DNAH14: variants seen among roughly 807,000 people sequenced by gnomAD.
DNAH14 encodes dynein axonemal heavy chain 14.
DNAH14 carries 478 observed loss-of-function variants against 520.9 expected under a neutral mutation model. That is an observed-to-expected ratio of 0.92 (90% CI 0.85 to 0.99). The LOEUF (loss-of-function observed/expected upper bound fraction) is 0.99, where lower values mean the gene tolerates loss of function less well. Ranked by LOEUF, DNAH14 falls within the 50% of genes least tolerant of loss-of-function variation. DNAH14 has a pLI of 0.00. For missense variants in DNAH14, 4,831 were observed against 5,234.5 expected (o/e 0.92, Z 2.38); for synonymous variants, 1,581 against 1,757.2 (o/e 0.90, Z 2.51).
In DNAH14 at chr1:225,184,161, G is replaced by A. The variant is rs190126686; in HGVS notation, c.5536-1130G>A. ...AAAACTACAGACTAACATCTTTGAT[G>A]GACATAGATGCAAAAATCCTCAACA... On this transcript the variant is annotated intron_variant, in intron 36 of 85. Coordinates refer to ENST00000682510, the MANE Select transcript of DNAH14 (RefSeq NM_001367479.1). 4.2e-3 allele frequency among the ~76,000 whole-genome samples: 639 copies of A among 152,216 alleles called. 4 individuals are homozygous for A. The highest frequency in any genetic ancestry group is 0.015 in the African/African-American group (607 of 41,530).
chr1:225,250,686 G>T, intron 43 of DNAH14: 1 of 561,684 alleles, frequency 1.8e-6, no homozygotes. Context: ...TCACAGGGCA[G>T]ACGGAGAAAG....
chr1:225,212,985 T>G (rs2088674005), intron 41 of DNAH14, among the ~76,000 whole-genome samples: 1 of 152,222 alleles, frequency 6.6e-6, no homozygotes, highest in African/African-American at 2.4e-5. Context: ...TCCTTGCCCA[T>G]GCCTATGTCC....
intron 44 of DNAH14, among the ~76,000 whole-genome samples, chr1:225,254,600 G>A (rs1193639186): frequency 6.6e-6 from 1 of 152,150 alleles, no homozygotes; most frequent in Non-Finnish European, 1.5e-5. Flanking sequence ...GATGAATTTA[G>A]ATAAAAGTTA....
chr1:224,985,085 T>A (rs1463749643), intron 8 of DNAH14, among the ~76,000 whole-genome samples: 2 of 152,152 alleles, frequency 1.3e-5, no homozygotes, highest in African/African-American at 4.8e-5. Context: ...AAAGTAGAAC[T>A]ACCAATTTGA....
chr1:225,322,309 G>A (rs1229183897), intron 61 of DNAH14, among the ~76,000 whole-genome samples: 2 of 151,534 alleles, frequency 1.3e-5, no homozygotes, highest in East Asian at 1.9e-4. Context: ...GGCTGGTCTC[G>A]AACTCCTGAC....
intron 41 of DNAH14, among the ~76,000 whole-genome samples, chr1:225,216,130 G>A (rs1005898239): frequency 6.6e-6 from 1 of 152,160 alleles, no homozygotes; most frequent in Non-Finnish European, 1.5e-5. Context: ...GTCTGTAAAG[G>A]ATTTTATTTC....
At chr1:224,998,953 A>G (rs1435445763) in intron 8 of DNAH14, among the ~76,000 whole-genome samples, 1 of 151,486 alleles carries the variant, frequency 6.6e-6, no homozygotes, top group Non-Finnish European at 1.5e-5. Flanking sequence ...ATACCCTTTT[A>G]GAATTATTCT....
chr1:225,325,630 A>G lies in DNAH14; in HGVS notation c.9723+798A>G, dbSNP rs181538598. On this transcript the variant is annotated intron_variant, in intron 64 of 85. Coordinates refer to ENST00000682510, the MANE Select transcript of DNAH14 (RefSeq NM_001367479.1). ...ATTATGAGAACTGGAACTAGAATTCATATCCCTGTTACCTATTTAGCTCAC... is the reference window on the plus strand; with the variant it reads ...ATTATGAGAACTGGAACTAGAATTCGTATCCCTGTTACCTATTTAGCTCAC... Among the ~76,000 whole-genome samples, 649 of 152,322 alleles carry G rather than the reference A, an allele frequency of 4.3e-3. 1 individual carries two copies. The highest frequency in any genetic ancestry group is 9.7e-3 in the South Asian group (47 of 4,826).
intron 29 of DNAH14, 103 bp downstream of exon 29, chr1:225,144,731 T>A: frequency 1.1e-6 from 1 of 897,268 alleles, no homozygotes; most frequent in Non-Finnish European, 1.7e-6. Flanking sequence ...AAGATGTTCA[T>A]TGCATTAACA....
At chr1:225,382,743 G>T (rs2095797339) in intron 81 of DNAH14, among the ~76,000 whole-genome samples, 1 of 151,726 alleles carries the variant, frequency 6.6e-6, no homozygotes, top group African/African-American at 2.4e-5. Flanking sequence ...CCAAAAACTT[G>T]CACATGAATG....
chr1:224,930,772 G>A (rs1421841168), intron 1 of DNAH14, among the ~76,000 whole-genome samples: 1 of 152,040 alleles, frequency 6.6e-6, no homozygotes, highest in African/African-American at 2.4e-5. Context: ...TAATTTTTTT[G>A]TATTTTTAGT....
intron 38 of DNAH14, among the ~76,000 whole-genome samples, chr1:225,203,927 G>A (rs534240207): frequency 4.4e-4 from 67 of 152,192 alleles, no homozygotes; most frequent in African/African-American, 1.4e-3. Flanking sequence ...TGTTTTATTT[G>A]ACATCCTACA....
intron 36 of DNAH14, 113 bp downstream of exon 36, chr1:225,168,141 A>T: frequency 1.5e-6 from 1 of 660,446 alleles, no homozygotes; most frequent in Non-Finnish European, 2.5e-6. Context: ...AATTTTTTTT[A>T]ATTAAAGTCA....
intron 56 of DNAH14, 56 bp downstream of exon 56, chr1:225,301,086 T>C (rs944930187): frequency 1.6e-5 from 24 of 1,467,144 alleles, no homozygotes; most frequent in South Asian, 4.1e-5. Flanking sequence ...AGACCGTGTT[T>C]ATAATTCTGT....
chr1:225,171,967 C>T (rs538395342), intron 36 of DNAH14, among the ~76,000 whole-genome samples: 1 of 152,284 alleles, frequency 6.6e-6, no homozygotes, highest in South Asian at 2.1e-4. Flanking sequence ...TCATCATACA[C>T]AAATCAATAA....
intron 42 of DNAH14, among the ~76,000 whole-genome samples, chr1:225,238,191 A>G (rs2091730648): frequency 2.0e-5 from 3 of 151,862 alleles, no homozygotes; most frequent in Admixed American, 2.0e-4. Flanking sequence ...GAGAAGAGGC[A>G]CTCTGGCTTT....
At chr1:225,323,714 G>A (rs907235038) in intron 62 of DNAH14, among the ~76,000 whole-genome samples, 1 of 152,104 alleles carries the variant, frequency 6.6e-6, no homozygotes, top group Non-Finnish European at 1.5e-5. Flanking sequence ...GCCCCCCTGG[G>A]CGTCCCAAAG....
At chr1:225,036,040 A>C (rs1372302917) in intron 11 of DNAH14, among the ~76,000 whole-genome samples, 1 of 152,206 alleles carries the variant, frequency 6.6e-6, no homozygotes, top group East Asian at 1.9e-4. Context: ...GCCAGTCAAG[A>C]CAGGTTTATT....
In DNAH14 at chr1:225,073,956, C is replaced by T. The variant is rs1274430617; in HGVS notation, c.2425-5251C>T. On this transcript the variant is annotated intron_variant, in intron 17 of 85. Transcript: ENST00000682510. ...TCGGCCTCCCAAAGTACTGGGATTA[C>T]AGGCATGAGCCACCGCACTCAGCTG... Among the ~76,000 whole-genome samples the T allele has an allele frequency of 4.8e-5, 7 of 145,918 alleles. No homozygotes were observed. In the East Asian group the frequency reaches 8.2e-4, roughly 17 times the overall value.
Sources: allele counts gnomAD v4.1 joint callset (sites outside exome capture counted in the v4.1 genomes callset), GRCh38; gene constraint gnomAD v4.1.1; transcripts MANE v1.5; gene names NCBI Gene and HGNC (gene_info 2026-07-23, HGNC 2026-07-21).